Variants in CCDC191 observed in about 807,000 individuals in gnomAD.
CCDC191 encodes the protein coiled-coil domain-containing protein 191.
A neutral mutation model predicts 114.0 loss-of-function variants in CCDC191; 99 were observed. That is an observed-to-expected ratio of 0.87 (90% CI 0.74 to 1.03). The LOEUF (loss-of-function observed/expected upper bound fraction) is 1.03. Among genes scored for constraint, CCDC191 ranks in the 50% least tolerant of loss-of-function variants. The pLI is 0.00. For missense variants in CCDC191, 973 were observed against 1,087.0 expected (o/e 0.90, Z 1.47); for synonymous variants, 351 against 376.0 (o/e 0.93, Z 0.77).
intron 7 of CCDC191, 143 bp from the exon 8 acceptor site, chr3:114,019,011 C>T (rs2076206808): frequency 1.4e-6 from 1 of 728,500 alleles, no homozygotes. Flanking sequence ...AAGGAAGAGA[C>T]AAAGCACAAT....
At chr3:114,053,679 T>A in intron 1 of CCDC191, 44 bp from the exon 2 acceptor site, 2 of 1,387,184 alleles carry the variant, frequency 1.4e-6, no homozygotes. Flanking sequence ...GCAATATCTT[T>A]ATCAACTTTG....
intron 3 of CCDC191, among the ~76,000 whole-genome samples, chr3:114,045,813 C>A (rs1559933428): frequency 6.6e-6 from 1 of 152,168 alleles, no homozygotes; most frequent in Non-Finnish European, 1.5e-5. Context: ...CTCCTTGCTC[C>A]TTGCTGACTC....
At chr3:114,019,050 T>G (rs1276991059) in intron 7 of CCDC191, among the ~76,000 whole-genome samples, 182 bp from the exon 8 acceptor site, 1 of 152,100 alleles carries the variant, frequency 6.6e-6, no homozygotes, top group Non-Finnish European at 1.5e-5. Context: ...ACAAGGAATA[T>G]TCAATCATGC....
At chr3:114,025,144 T>C (rs1340391670) in intron 7 of CCDC191, among the ~76,000 whole-genome samples, 1 of 152,046 alleles carries the variant, frequency 6.6e-6, no homozygotes, top group African/African-American at 2.4e-5. Context: ...ACCACTGCCA[T>C]GTGAAATGCT....
At chr3:114,028,411 G>A (rs959006917) in intron 7 of CCDC191, among the ~76,000 whole-genome samples, 15 of 150,388 alleles carry the variant, frequency 1.0e-4, no homozygotes, top group Non-Finnish European at 1.6e-4. Context: ...TCAGCCTCCC[G>A]AGTAGCTGGG....
At chr3:114,043,463 C>T (rs1167281398) in intron 3 of CCDC191, among the ~76,000 whole-genome samples, 1 of 152,190 alleles carries the variant, frequency 6.6e-6, no homozygotes, top group Non-Finnish European at 1.5e-5. Flanking sequence ...AGCAATACTA[C>T]TGTCTAGTAG....
intron 16 of CCDC191, 144 bp from the exon 17 acceptor site, chr3:113,965,503 CAG>C (rs1940033876): frequency 2.2e-6 from 1 of 459,406 alleles, no homozygotes; most frequent in Non-Finnish European, 3.8e-6. Flanking sequence ...GGGATTATGA[CAG>C]TGTGAAATGC....
intron 13 of CCDC191, among the ~76,000 whole-genome samples, chr3:113,987,437 T>C (rs990132290): frequency 6.6e-6 from 1 of 152,176 alleles, no homozygotes; most frequent in African/African-American, 2.4e-5. Flanking sequence ...TAACAAGATA[T>C]TGGCTATTTA....
intron 11 of CCDC191, chr3:114,004,190 C>G: frequency 2.1e-6 from 2 of 967,518 alleles, no homozygotes; most frequent in Non-Finnish European, 2.5e-6. Flanking sequence ...AAAATCCTAT[C>G]AACAAGTTAT....
At chr3:113,980,538 T>C (rs2075110424) in intron 14 of CCDC191, 112 bp downstream of exon 14, 1 of 999,058 alleles carries the variant, frequency 1.0e-6, no homozygotes, top group Non-Finnish European at 1.4e-6. Context: ...AATTAATTTA[T>C]CTTTCTGGCT....
At chr3:114,047,753 T>C (rs2076649194) in intron 2 of CCDC191, among the ~76,000 whole-genome samples, 1 of 151,904 alleles carries the variant, frequency 6.6e-6, no homozygotes, top group Admixed American at 6.6e-5. Context: ...GGCGGGTGGA[T>C]CACTTGAGGT....
intron 13 of CCDC191, among the ~76,000 whole-genome samples, chr3:113,987,862 T>G (rs529495602): frequency 1.3e-5 from 2 of 151,610 alleles, no homozygotes; most frequent in Non-Finnish European, 2.9e-5. Flanking sequence ...GTCAAGATGG[T>G]GAAACCCCAT....
rs748496715 is a variant in CCDC191 at position 113,978,245 on chromosome 3, GACC to G, written c.2544_2546del (p.Met848_Val849delinsIle). The stretch of plus-strand genomic sequence containing the variant: ...CCTGAGAATCGATCTTCACCTCCCT[GACC>G]ATGTTAAACCAGGCCCTGAAAATCT... On this transcript the variant is annotated inframe_deletion, in exon 16 of 17. Transcript: ENST00000295878. The G allele has an allele frequency of 8.7e-6, 14 of 1,613,948 alleles. No individual in the cohort carries two copies. Among genetic ancestry groups the G allele is most frequent in the Non-Finnish European group, 1.2e-5 (14 of 1,179,924 alleles).
At chr3:114,006,619 A>ATATATATATATAAAT (rs1559903359) in intron 9 of CCDC191, among the ~76,000 whole-genome samples, 61 of 92,500 alleles carry the variant, frequency 6.6e-4, no homozygotes, top group African/African-American at 2.1e-3. Context: ...TATATATATA[A>ATATATATATATAAAT]ATATATATAT....
intron 7 of CCDC191, among the ~76,000 whole-genome samples, chr3:114,027,794 G>T (rs560925958): frequency 6.6e-6 from 1 of 152,248 alleles, no homozygotes; most frequent in East Asian, 1.9e-4. Context: ...AGAGCTTCCA[G>T]TTATCTAGTC....
At chr3:114,027,722 A>G (rs949103811) in intron 7 of CCDC191, among the ~76,000 whole-genome samples, 5 of 152,200 alleles carry the variant, frequency 3.3e-5, no homozygotes, top group Non-Finnish European at 7.4e-5. Flanking sequence ...TCTTCCTGCA[A>G]ATACTCTACA....
chr3:114,002,424 T>G (rs1286911668), intron 12 of CCDC191, 32 bp downstream of exon 12: 1 of 1,480,378 alleles, frequency 6.8e-7, no homozygotes, highest in South Asian at 1.2e-5. Flanking sequence ...AATCCTTCTT[T>G]TTTGACTCAG....
intron 13 of CCDC191, among the ~76,000 whole-genome samples, chr3:113,998,650 C>T (rs2075787155): frequency 1.3e-5 from 2 of 152,168 alleles, no homozygotes; most frequent in African/African-American, 4.8e-5. Flanking sequence ...ACAATGAGTC[C>T]CTGATGTGGC....
chr3:113,977,916 TATA>T (rs750334453), intron 16 of CCDC191, among the ~76,000 whole-genome samples: 2 of 152,242 alleles, frequency 1.3e-5, no homozygotes, highest in African/African-American at 2.4e-5. Flanking sequence ...GTGTGTTTCA[TATA>T]GGTCACATCA....
Sources: gnomAD v4.1 joint callset for allele counts (sites outside exome capture counted in the v4.1 genomes callset) on GRCh38, gnomAD v4.1.1 for gene constraint, MANE v1.5 for transcripts, NCBI Gene and HGNC (gene_info 2026-07-23, HGNC 2026-07-21) for gene names.